The following UHRF1 variants were observed in gnomAD, a reference collection of about 807,000 sequenced individuals.
The protein encoded by UHRF1 is ubiquitin like with PHD and ring finger domains 1.
Under a neutral mutation model 96.5 loss-of-function variants are expected in UHRF1, and 9 were observed. The observed-to-expected ratio is 0.09, with a 90% CI of 0.06 to 0.16. The LOEUF (loss-of-function observed/expected upper bound fraction) is 0.16. UHRF1 is among the 10% of genes least tolerant of loss of function. UHRF1 has a pLI of 1.00. For missense variants in UHRF1, 626 were observed against 1,131.1 expected (o/e 0.55, Z 6.40); for synonymous variants, 455 against 469.9 (o/e 0.97, Z 0.41).
rs372472662 is a variant in UHRF1 at position 4,954,859 on chromosome 19, G to T, written c.2130+37G>T. On this transcript the variant is annotated intron_variant, in intron 15 of 16. Transcript: ENST00000650932. The surrounding 1 kb of genome is among the most constrained non-coding windows in gnomAD (Gnocchi z 5.9). Reference sequence around the variant, plus strand: ...CGGCTCACTCGTCGCCCTGATTTGCGTTGACTGCGGTAAAATGTGTGGGGC... The same window carrying T: ...CGGCTCACTCGTCGCCCTGATTTGCTTTGACTGCGGTAAAATGTGTGGGGC... 1 of 1,606,570 alleles carries T rather than the reference G, an allele frequency of 6.2e-7. No individual in the cohort carries two copies. Among genetic ancestry groups the T allele is most frequent in the Non-Finnish European group, 8.5e-7 (1 of 1,175,914 alleles).
exon 1 of UHRF1, chr19:4,903,626 C>A (rs376769727): frequency 6.6e-6 from 1 of 152,136 alleles, no homozygotes; most frequent in Admixed American, 6.6e-5. Context: ...CCTCAGCCCC[C>A]CAAGTACCTG....
At chr19:4,955,094 C>T (rs984080792) in intron 15 of UHRF1, among the ~76,000 whole-genome samples, 3 of 151,980 alleles carry the variant, frequency 2.0e-5, no homozygotes, top group African/African-American at 4.8e-5. Context: ...CCCCTGCACC[C>T]GCTCCCCAGC....
rs779027966 is a variant in UHRF1, at chr19:4,932,874, C to T, written c.703C>T (p.Arg235Trp). Reference sequence around the variant, plus strand: ...CTACAACCCCGACAACCCCAAGGAGCGGGGCTTCTGGTACGACGCGGAGAT... The same window carrying T: ...CTACAACCCCGACAACCCCAAGGAGTGGGGCTTCTGGTACGACGCGGAGAT... ...LNYNPDNPKERGFWYDAEISR... is the reference protein window; with the variant it reads ...LNYNPDNPKEWGFWYDAEISR... The change falls in exon 5 of 17, where the codon CGG becomes TGG. Residue 235 changes from arginine (R) to tryptophan (W), a missense_variant. Physicochemically the swap from Arg to Trp is moderately radical, Grantham distance 101 (BLOSUM62 -3). Around this residue, in one of 11 missense-constraint regions of UHRF1, gnomAD observed 198 missense variants for 235.1 expected, o/e 0.84. Transcript: ENST00000650932. 13 of 1,613,880 alleles carry T rather than the reference C, an allele frequency of 8.1e-6. No homozygotes were observed. The highest frequency in any genetic ancestry group is 3.3e-5 in the Admixed American group (2 of 60,024).
At position 4,930,871 on chromosome 19, in the gene UHRF1, C is replaced by T. The variant is rs777121768; in HGVS notation, c.564C>T (p.Tyr188=). Residue 188 remains tyrosine (Y), a synonymous_variant, in exon 4 of 17, where the codon TAC becomes TAT. Transcript: ENST00000650932. This position sits in a 1 kb window ranked among gnomAD's most constrained non-coding sequence, Gnocchi z 4.4. ...LEEDVIYHVK[Y]DDYPENGVVQ... ...AGGACGTCATTTACCACGTGAAATA[C>T]GACGAGTGAGTCATGGCAGGTGGGC... is the stretch of plus-strand genomic sequence containing the variant. The T allele has an allele frequency of 5.0e-6, 8 of 1,613,840 alleles. No homozygotes were observed. The East Asian group carries it at 1.1e-4, about 22-fold the overall frequency.
chr19:4,925,815 C>T (rs148265746), intron 2 of UHRF1, among the ~76,000 whole-genome samples: 4 of 150,644 alleles, frequency 2.7e-5, no homozygotes, highest in South Asian at 2.1e-4. Context: ...AGCCACCGCA[C>T]GCGGCCTGAG....
intron 5 of UHRF1, among the ~76,000 whole-genome samples, chr19:4,936,325 G>A (rs1415568662): frequency 2.0e-5 from 3 of 152,204 alleles, no homozygotes; most frequent in Non-Finnish European, 2.9e-5. Flanking sequence ...AGAGAAACGC[G>A]ATTGCAGTCC....
rs566512590 is a variant in UHRF1 at position 4,916,520 on chromosome 19, C to T, written c.153+5482C>T. 6.6e-5 allele frequency among the ~76,000 whole-genome samples: 10 copies of T among 152,250 alleles called. No homozygotes were observed. The South Asian group carries it at 2.1e-3, about 32-fold the overall frequency. On this transcript the variant is annotated intron_variant, in intron 2 of 16. Transcript: ENST00000650932. ...CGGTTGTGTTGACCTCACTGACCCCCGAAGTGCCGCTCTAGGGTCTGTCCT... is the reference window on the plus strand; with the variant it reads ...CGGTTGTGTTGACCTCACTGACCCCTGAAGTGCCGCTCTAGGGTCTGTCCT...
chr19:4,953,704 G>A (rs963460042), intron 13 of UHRF1, among the ~76,000 whole-genome samples: 1 of 152,150 alleles, frequency 6.6e-6, no homozygotes, highest in African/African-American at 2.4e-5. Context: ...GGGCTCAAGC[G>A]ATCCCCCTGC....
chr19:4,918,739 T>TA lies in UHRF1; in HGVS notation c.153+7702dup, dbSNP rs1401454665. ...GGTTTTTTTTTTTTTTTTTTTTTTT[T>TA]AGACAGGCTCTTGCTCTGTTGCCCA... is the stretch of plus-strand genomic sequence containing the variant. On this transcript the variant is annotated intron_variant, in intron 2 of 16. Coordinates refer to ENST00000650932, the MANE Select transcript of UHRF1 (RefSeq NM_001048201.3). 4.9e-3 allele frequency among the ~76,000 whole-genome samples: 719 copies of TA among 145,848 alleles called. 7 individuals are homozygous for TA. Among genetic ancestry groups the TA allele is most frequent in the African/African-American group, 0.016 (623 of 38,286 alleles).
intron 1 of UHRF1, among the ~76,000 whole-genome samples, chr19:4,904,185 GTTTTTT>G (rs534038745): frequency 0.01 from 1,473 of 142,846 alleles, 17 homozygotes; most frequent in Middle Eastern, 0.018. Context: ...TTTTGTTTTT[GTTTTTT>G]TTTTGAGATT....
chr19:4,905,108 C>CTTTTTTTT, upstream of UHRF1, among the ~76,000 whole-genome samples: 2 of 95,192 alleles, frequency 2.1e-5, no homozygotes, highest in Non-Finnish European at 4.0e-5. Context: ...CGTAAACTTT[C>CTTTTTTTT]TTTTTTTTTT....
rs768017927 is a variant in UHRF1 at position 4,956,705 on chromosome 19, C to T, written c.2131-4C>T. ...TTGCCGGCCTCACACCCGCTTCCCTCTAGTTCCAGTTGTTCCTGAGTAAAG... is the reference window on the plus strand; with the variant it reads ...TTGCCGGCCTCACACCCGCTTCCCTTTAGTTCCAGTTGTTCCTGAGTAAAG... On this transcript the variant is annotated splice_polypyrimidine_tract_variant and splice_region_variant and intron_variant, in intron 15 of 16. Transcript: ENST00000650932. 3.1e-6 allele frequency: 5 copies of T among 1,605,830 alleles called. No individual in the cohort carries two copies. In the African/African-American group the frequency reaches 4.0e-5, roughly 13 times the overall value.
intron 2 of UHRF1, 103 bp from the exon 3 acceptor site, chr19:4,929,119 C>A (rs1358329934): frequency 6.8e-7 from 1 of 1,464,414 alleles, no homozygotes; most frequent in Non-Finnish European, 9.2e-7. Context: ...ATTGCCCCCC[C>A]CCCACAAGGG....
At chr19:4,921,354 G>T (rs1212213772) in intron 2 of UHRF1, among the ~76,000 whole-genome samples, 1 of 152,096 alleles carries the variant, frequency 6.6e-6, no homozygotes, top group Non-Finnish European at 1.5e-5. Flanking sequence ...CAGGAGAATT[G>T]CTTGAACCTG....
At chr19:4,936,952 C>T (rs1286929624) in intron 5 of UHRF1, among the ~76,000 whole-genome samples, 2 of 152,242 alleles carry the variant, frequency 1.3e-5, no homozygotes, top group East Asian at 1.9e-4. Context: ...GAGTTTCCTC[C>T]TCACAAAATC....
intron 16 of UHRF1, among the ~76,000 whole-genome samples, chr19:4,957,324 T>TTTTTTTTTTTC (rs2033883681): frequency 1.9e-5 from 2 of 105,318 alleles, no homozygotes; most frequent in African/African-American, 6.3e-5. Context: ...TTTTTTTTTT[T>TTTTTTTTTTTC]CTGAGACAGA....
upstream of UHRF1, among the ~76,000 whole-genome samples, chr19:4,906,904 G>C (rs1000438138): frequency 1.3e-5 from 2 of 152,246 alleles, no homozygotes; most frequent in Non-Finnish European, 2.9e-5. Flanking sequence ...AGCTCAAGCC[G>C]TCTCACACCC....
chr19:4,908,422 G>C (rs766059097), upstream of UHRF1, among the ~76,000 whole-genome samples: 5 of 152,124 alleles, frequency 3.3e-5, no homozygotes, highest in Middle Eastern at 3.4e-3. Context: ...AGTCCTCCCC[G>C]GTGGCCTTCA....
chr19:4,928,352 C>T (rs1434373397), intron 2 of UHRF1, among the ~76,000 whole-genome samples: 1 of 151,956 alleles, frequency 6.6e-6, no homozygotes, highest in Non-Finnish European at 1.5e-5. Context: ...AGATGGCAAA[C>T]CACCGGGAGA....
Sources: allele counts gnomAD v4.1 joint callset (sites outside exome capture counted in the v4.1 genomes callset), GRCh38; gene constraint gnomAD v4.1.1; regional missense constraint gnomAD v4.1.1; non-coding constraint Gnocchi (gnomAD v3.1); transcripts MANE v1.5; gene names NCBI Gene and HGNC (gene_info 2026-07-23, HGNC 2026-07-21).